The following PCLO variants were observed in gnomAD, a reference collection of about 807,000 sequenced individuals.
PCLO encodes the protein protein piccolo.
In PCLO, 82 loss-of-function variants were observed where a neutral mutation model predicts 427.5. That is an observed-to-expected ratio of 0.19 (90% CI 0.16 to 0.23). The LOEUF (loss-of-function observed/expected upper bound fraction) is 0.23. Among genes scored for constraint, PCLO ranks in the 10% least tolerant of loss-of-function variants. PCLO has a pLI of 1.00. For missense variants in PCLO, 6,239 were observed against 6,115.9 expected, an observed-to-expected ratio of 1.02 and a Z score of -0.67; for synonymous variants, 2,357 against 2,155.4, an observed-to-expected ratio of 1.09 and a Z score of -2.59.
intron 3 of PCLO, among the ~76,000 whole-genome samples, chr7:82,971,029 G>T (rs1030179285): frequency 6.6e-6 from 1 of 151,486 alleles, no homozygotes; most frequent in African/African-American, 2.4e-5. Context: ...ATAATCCAAA[G>T]ATTTTTGTAT....
rs770465255 is a variant in PCLO at position 82,952,168 on chromosome 7, G to GC, written c.8784_8785insG (p.Pro2929AlafsTer3). On this transcript the variant is annotated frameshift_variant, in exon 5 of 25. Coordinates refer to ENST00000333891, the MANE Select transcript of PCLO (RefSeq NM_033026.6). LOFTEE classifies it high-confidence loss of function. The stretch of plus-strand genomic sequence containing the variant: ...CTTCTCCCTGCGGTTAAATCAACGG[G>GC]TTTTTCATCTTCTATTATTTTGGTC... 6.9e-7 allele frequency: 1 copy of GC among 1,446,856 alleles called. No individual in the cohort carries two copies. 89.6% of individuals were successfully genotyped at this position (1,446,856 alleles called of 1,614,324 possible).
At chr7:83,000,268 TGAGAGAGAGAGAGAGAGAGA>T (rs145445022) in intron 3 of PCLO, among the ~76,000 whole-genome samples, 1 of 54,116 alleles carries the variant, frequency 1.8e-5, no homozygotes, top group Non-Finnish European at 3.6e-5. Context: ...TTCAAAGTGT[TGAGAGAGAGAGAGAGAGAGA>T]GAGAGAGAGA....
At chr7:83,062,557 A>T (rs1306770884) in intron 3 of PCLO, among the ~76,000 whole-genome samples, 5 of 152,138 alleles carry the variant, frequency 3.3e-5, no homozygotes, top group Admixed American at 3.3e-4. Context: ...CTCTGCCAAT[A>T]CCTGGCATAA....
intron 20 of PCLO, among the ~76,000 whole-genome samples, chr7:82,819,397 G>A (rs891832301): frequency 1.3e-5 from 2 of 151,970 alleles, no homozygotes; most frequent in Non-Finnish European, 2.9e-5. Context: ...ATGTCATATA[G>A]AAACACTTAA....
At chr7:82,859,333 T>C (rs1026551513) in intron 10 of PCLO, among the ~76,000 whole-genome samples, 3 of 152,210 alleles carry the variant, frequency 2.0e-5, no homozygotes, top group Admixed American at 1.3e-4. Flanking sequence ...TCTTACCCAG[T>C]GTAGTCACAG....
chr7:83,019,033 C>T (rs951745247), intron 3 of PCLO, among the ~76,000 whole-genome samples: 1 of 151,952 alleles, frequency 6.6e-6, no homozygotes, highest in African/African-American at 2.4e-5. Flanking sequence ...TGAGAACTTC[C>T]TGTTTGCTCA....
rs77805234 is a variant in PCLO, at chr7:82,811,239, G to A, written c.14792-5410C>T. Among the ~76,000 whole-genome samples the A allele has an allele frequency of 9.4e-3, 1,415 of 150,960 alleles. 30 individuals are homozygous for A. Among genetic ancestry groups the A allele is most frequent in the African/African-American group, 0.032 (1,332 of 41,474 alleles). On this transcript the variant is annotated intron_variant, in intron 20 of 24. Transcript: ENST00000333891. ...ATGATGGAACGGAAATAACTACCTA[G>A]CAGTTTTAGAAATCAAGTATTTGGG...
At chr7:82,778,177 A>C (rs1790795364) in intron 22 of PCLO, among the ~76,000 whole-genome samples, 1 of 152,206 alleles carries the variant, frequency 6.6e-6, no homozygotes, top group Non-Finnish European at 1.5e-5. Context: ...GCTGAATATC[A>C]CTGATCATAG....
intron 20 of PCLO, among the ~76,000 whole-genome samples, chr7:82,820,093 A>G (rs539086761): frequency 6.6e-6 from 1 of 152,282 alleles, no homozygotes; most frequent in South Asian, 2.1e-4. Context: ...CTTTCTGAAC[A>G]GAGCTATGAG....
chr7:82,942,695 T>A (rs138054289), intron 6 of PCLO, among the ~76,000 whole-genome samples: 2,436 of 152,226 alleles, frequency 0.016, 62 homozygotes, highest in African/African-American at 0.056. Flanking sequence ...TGACATTTAT[T>A]TTGAAAAATA....
intron 22 of PCLO, among the ~76,000 whole-genome samples, chr7:82,797,336 T>C (rs1017123655): frequency 3.9e-5 from 6 of 152,298 alleles, no homozygotes; most frequent in African/African-American, 1.4e-4. Context: ...AGCTACTACA[T>C]GGATGCTCAC....
chr7:82,798,222 C>T (rs990197589), intron 22 of PCLO, among the ~76,000 whole-genome samples: 6 of 151,854 alleles, frequency 4.0e-5, no homozygotes, highest in African/African-American at 9.7e-5. Context: ...TATAAGTAAT[C>T]GAGATGAAGT....
chr7:83,124,026 G>A lies in PCLO; in HGVS notation c.3300+10224C>T, dbSNP rs146394139. ...ATCTCTCCAAAGAAAACATACAAAT[G>A]GCCCAGGCACAGTGGCTCACACCTG... On this transcript the variant is annotated intron_variant, in intron 3 of 24. Coordinates refer to ENST00000333891, the MANE Select transcript of PCLO (RefSeq NM_033026.6). 1.4e-5 allele frequency among the ~76,000 whole-genome samples: 2 copies of A among 144,118 alleles called. 1 individual carries two copies. Among genetic ancestry groups the A allele is most frequent in the East Asian group, 4.4e-4 (2 of 4,572 alleles). The allele number at this position is 144,118 out of a possible 152,430, so 94.5% of individuals were successfully genotyped here.
intron 3 of PCLO, among the ~76,000 whole-genome samples, chr7:82,984,642 G>T (rs1399333818): frequency 6.6e-6 from 1 of 151,830 alleles, no homozygotes; most frequent in African/African-American, 2.4e-5. Context: ...TCGTTATTTT[G>T]TTTATTTGTT....
At chr7:82,937,284 T>C (rs1231729323) in intron 6 of PCLO, among the ~76,000 whole-genome samples, 1 of 151,602 alleles carries the variant, frequency 6.6e-6, no homozygotes, top group South Asian at 2.1e-4. Context: ...TTTGTGAAAA[T>C]TGTGTTTTAA....
intron 3 of PCLO, among the ~76,000 whole-genome samples, chr7:83,023,184 T>C (rs571936105): frequency 1.3e-5 from 2 of 152,318 alleles, no homozygotes; most frequent in East Asian, 1.9e-4. Flanking sequence ...TAAGAGTATA[T>C]GGCAAAATGA....
intron 22 of PCLO, among the ~76,000 whole-genome samples, chr7:82,777,604 A>G (rs1278387960): frequency 6.6e-6 from 1 of 152,150 alleles, no homozygotes; most frequent in East Asian, 1.9e-4. Flanking sequence ...TACACCTACA[A>G]CTATCTGATC....
intron 3 of PCLO, among the ~76,000 whole-genome samples, chr7:82,974,033 T>G (rs1042130954): frequency 1.3e-5 from 2 of 152,180 alleles, no homozygotes; most frequent in Admixed American, 6.6e-5. Context: ...TATCTGTGAA[T>G]TATTACATTA....
rs373396132 is a variant in PCLO at position 83,134,337 on chromosome 7, C to T, written c.3213G>A (p.Lys1071=). Residue 1071 remains lysine (K), a synonymous_variant, in exon 3 of 25, where the codon AAG becomes AAA. Transcript: ENST00000333891. ...LCKTELNIGS[K]DPPNFNTCTE... Reference sequence around the variant, plus strand: ...TGCAAGTATTGAAGTTAGGAGGATCCTTAGAACCTATGTTGAGTTCAGTTT... The same window carrying T: ...TGCAAGTATTGAAGTTAGGAGGATCTTTAGAACCTATGTTGAGTTCAGTTT... 2.0e-5 allele frequency: 32 copies of T among 1,610,500 alleles called. No individual in the cohort carries two copies. Among genetic ancestry groups the T allele is most frequent in the Non-Finnish European group, 2.7e-5 (32 of 1,178,440 alleles).
Sources: allele counts gnomAD v4.1 joint callset (sites outside exome capture counted in the v4.1 genomes callset), GRCh38; gene constraint gnomAD v4.1.1; transcripts MANE v1.5; gene names NCBI Gene and HGNC (gene_info 2026-07-23, HGNC 2026-07-21).